Variants in SGCZ observed in about 807,000 individuals in gnomAD.
SGCZ encodes zeta-sarcoglycan.
A neutral mutation model predicts 41.3 loss-of-function variants in SGCZ; 40 were observed. That is an observed-to-expected ratio of 0.97 (90% CI 0.75 to 1.26). The LOEUF is 1.26. SGCZ is among the 50% of genes most tolerant of loss of function. The pLI, the probability that SGCZ is intolerant of heterozygous loss-of-function variation, is 0.00. For missense variants in SGCZ, 552 were observed against 369.8 expected, an observed-to-expected ratio of 1.49 and a Z score of -4.04; for synonymous variants, 206 against 137.5, an observed-to-expected ratio of 1.50 and a Z score of -3.49.
chr8:14,315,188 T>A (rs191881395), intron 3 of SGCZ, among the ~76,000 whole-genome samples: 12 of 152,184 alleles, frequency 7.9e-5, no homozygotes, highest in African/African-American at 2.4e-4. Context: ...CTCCAGTGAG[T>A]CATCTGCAAA....
chr8:14,728,947 A>G (rs1213462462), intron 1 of SGCZ, among the ~76,000 whole-genome samples: 6 of 152,208 alleles, frequency 3.9e-5, no homozygotes, highest in South Asian at 2.1e-4. Flanking sequence ...AAATCTGCCT[A>G]TGTTCCTTTC....
intron 1 of SGCZ, among the ~76,000 whole-genome samples, chr8:15,056,879 T>C (rs542187452): frequency 6.6e-6 from 1 of 152,304 alleles, no homozygotes; most frequent in Non-Finnish European, 1.5e-5. Context: ...TTCACCTCTC[T>C]GAGCTATTGC....
chr8:14,355,780 T>A (rs1021108111), intron 2 of SGCZ, among the ~76,000 whole-genome samples: 3 of 152,028 alleles, frequency 2.0e-5, no homozygotes, highest in African/African-American at 7.2e-5. Context: ...TGTGGGATTA[T>A]CCAAGGAAAT....
chr8:14,531,895 T>A (rs1803144519), intron 2 of SGCZ, among the ~76,000 whole-genome samples: 1 of 152,104 alleles, frequency 6.6e-6, no homozygotes, highest in Non-Finnish European at 1.5e-5. Context: ...GGTCCTTAAG[T>A]AAGAATTTAC....
At chr8:14,097,458 G>C (rs1445810617) in intron 7 of SGCZ, among the ~76,000 whole-genome samples, 1 of 152,180 alleles carries the variant, frequency 6.6e-6, no homozygotes, top group Non-Finnish European at 1.5e-5. Flanking sequence ...TGGTCTGAGA[G>C]ACTGTGATGG....
chr8:14,889,397 T>C (rs907273035), intron 1 of SGCZ, among the ~76,000 whole-genome samples: 1 of 152,140 alleles, frequency 6.6e-6, no homozygotes, highest in African/African-American at 2.4e-5. Context: ...CTTAATTTTG[T>C]ATTGAGAATA....
chr8:14,902,052 C>T (rs1329918738), intron 1 of SGCZ, among the ~76,000 whole-genome samples: 2 of 152,064 alleles, frequency 1.3e-5, no homozygotes, highest in Admixed American at 6.6e-5. Flanking sequence ...TTTTAGTGGA[C>T]ACTTTATTTC....
chr8:14,993,627 A>T (rs993726674), intron 1 of SGCZ, among the ~76,000 whole-genome samples: 8 of 152,206 alleles, frequency 5.3e-5, no homozygotes, highest in African/African-American at 1.9e-4. Flanking sequence ...AATTTGAGCA[A>T]AGACAAGAAG....
chr8:14,765,771 C>T (rs1277025538), intron 1 of SGCZ, among the ~76,000 whole-genome samples: 1 of 152,138 alleles, frequency 6.6e-6, no homozygotes, highest in African/African-American at 2.4e-5. Flanking sequence ...GATCACTCAT[C>T]AAATGCGTGT....
At chr8:14,894,586 C>A (rs1805126490) in intron 1 of SGCZ, among the ~76,000 whole-genome samples, 1 of 152,126 alleles carries the variant, frequency 6.6e-6, no homozygotes, top group Non-Finnish European at 1.5e-5. Context: ...GCCTCTCACA[C>A]TGAAGACACA....
chr8:14,093,440 CCTAT>C (rs1219552011), intron 7 of SGCZ, among the ~76,000 whole-genome samples: 5 of 152,110 alleles, frequency 3.3e-5, no homozygotes, highest in Non-Finnish European at 7.4e-5. Flanking sequence ...CAAGATCTGG[CCTAT>C]CTCTCTAACA....
At chr8:15,161,067 AAGATCT>A in intron 1 of SGCZ, among the ~76,000 whole-genome samples, 2 of 152,096 alleles carry the variant, frequency 1.3e-5, no homozygotes, top group South Asian at 4.2e-4. Flanking sequence ...GCAAGATCTG[AAGATCT>A]TGCAGTGGCC....
At chr8:15,221,068 C>A (rs1011038840) in intron 1 of SGCZ, among the ~76,000 whole-genome samples, 2 of 152,020 alleles carry the variant, frequency 1.3e-5, no homozygotes, top group Non-Finnish European at 2.9e-5. Flanking sequence ...ATGTAAAGGA[C>A]AAGTTAATGG....
intron 2 of SGCZ, among the ~76,000 whole-genome samples, chr8:14,551,357 T>C (rs1378099341): frequency 7.4e-6 from 1 of 135,360 alleles, no homozygotes; most frequent in Admixed American, 8.6e-5. Context: ...GATGTTATAG[T>C]AATCAACCAA....
At chr8:14,182,826 A>G (rs1422954012) in intron 4 of SGCZ, among the ~76,000 whole-genome samples, 1 of 151,990 alleles carries the variant, frequency 6.6e-6, no homozygotes, top group Non-Finnish European at 1.5e-5. Context: ...CCTGGTCAAC[A>G]TTGTGAAACC....
intron 1 of SGCZ, among the ~76,000 whole-genome samples, chr8:15,024,109 G>C (rs1803360015): frequency 6.6e-6 from 1 of 152,230 alleles, no homozygotes; most frequent in East Asian, 1.9e-4. Context: ...ATTCACAGTG[G>C]GGTTTTTGTT....
chr8:14,717,924 C>A (rs945120318), intron 1 of SGCZ, among the ~76,000 whole-genome samples: 1 of 150,826 alleles, frequency 6.6e-6, no homozygotes, highest in African/African-American at 2.5e-5. Context: ...TTATTTCATC[C>A]CTCTATGTTA....
intron 2 of SGCZ, among the ~76,000 whole-genome samples, chr8:14,552,442 G>A (rs181270609): frequency 3.9e-4 from 60 of 152,114 alleles, no homozygotes; most frequent in African/African-American, 9.9e-4. Context: ...AATAGTTTTC[G>A]TGGGTGAAGG....
chr8:15,204,160 T>G (rs1160481658), intron 1 of SGCZ, among the ~76,000 whole-genome samples: 2 of 136,070 alleles, frequency 1.5e-5, no homozygotes, highest in Non-Finnish European at 1.7e-5. Context: ...GAGAGAACTC[T>G]GTATATCCAA....
Sources: gnomAD v4.1 joint callset for allele counts (sites outside exome capture counted in the v4.1 genomes callset) on GRCh38, gnomAD v4.1.1 for gene constraint, MANE v1.5 for transcripts, NCBI Gene and HGNC (gene_info 2026-07-23, HGNC 2026-07-21) for gene names.